FRMPD4: variants seen among roughly 807,000 people sequenced by gnomAD.
FRMPD4 encodes FERM and PDZ domain-containing protein 4.
A neutral mutation model predicts 94.1 loss-of-function variants in FRMPD4; 22 were observed. The ratio of observed to expected loss-of-function variants is 0.23; its 90% CI spans 0.17 to 0.33. FRMPD4 has a LOEUF of 0.33. Among genes scored for constraint, FRMPD4 ranks in the 10% least tolerant of loss-of-function variants. FRMPD4 has a pLI of 1.00. For synonymous variants in FRMPD4, 631 were observed against 548.6 expected (o/e 1.15, Z -2.10); for missense variants, 1,111 against 1,339.9 (o/e 0.83, Z 2.67).
intron 13 of FRMPD4, among the ~76,000 whole-genome samples, chrX:12,709,468 A>C (rs2041942373): frequency 8.9e-6 from 1 of 111,805 alleles, no homozygotes; most frequent in Admixed American, 9.4e-5. Flanking sequence ...ATCTATGTCC[A>C]ATTGTATAAT....
At chrX:12,505,191 C>G (rs1009634148) in intron 2 of FRMPD4, among the ~76,000 whole-genome samples, 4 of 111,932 alleles carry the variant, frequency 3.6e-5, no homozygotes, top group Non-Finnish European at 7.5e-5. Flanking sequence ...TTGGGGCTGC[C>G]TGCCACCCTT....
chrX:12,074,295 C>A (rs777564600), intron 3 of FRMPD4, among the ~76,000 whole-genome samples: 2 of 111,490 alleles, frequency 1.8e-5, no homozygotes, highest in Non-Finnish European at 3.8e-5. Flanking sequence ...AGCTGACACT[C>A]ATCTCAGGCA....
intron 3 of FRMPD4, among the ~76,000 whole-genome samples, chrX:12,088,690 G>A (rs2055130592): frequency 9.0e-6 from 1 of 111,683 alleles, no homozygotes; most frequent in Non-Finnish European, 1.9e-5. Flanking sequence ...CTGTCCCCAG[G>A]GAATAGTAAC....
At chrX:12,080,859 G>T (rs2055056580) in intron 3 of FRMPD4, among the ~76,000 whole-genome samples, 1 of 111,980 alleles carries the variant, frequency 8.9e-6, no homozygotes, top group African/African-American at 3.2e-5. Flanking sequence ...CCATGTAAAA[G>T]CTGAATTATT....
intron 3 of FRMPD4, among the ~76,000 whole-genome samples, chrX:12,075,190 G>A (rs1241516238): frequency 8.9e-6 from 1 of 112,192 alleles, no homozygotes; most frequent in Non-Finnish European, 1.9e-5. Flanking sequence ...GTGGATACTT[G>A]TCATTATACA....
At chrX:11,884,887 A>G (rs922987096) in intron 3 of FRMPD4, among the ~76,000 whole-genome samples, 3 of 112,004 alleles carry the variant, frequency 2.7e-5, no homozygotes, top group African/African-American at 9.7e-5. Context: ...TGACTTTGTA[A>G]CAAAACACAG....
rs755114829 is a variant in FRMPD4, at chrX:12,657,502, T to G, written c.423-17361T>G. 1.6e-4 allele frequency among the ~76,000 whole-genome samples: 18 copies of G among 111,096 alleles called. No individual in the cohort carries two copies. The South Asian group carries it at 2.3e-3, about 14-fold the overall frequency. On this transcript the variant is annotated intron_variant, in intron 4 of 16. Transcript: ENST00000675598. ...CAGTATGGAAGCCATAGTTTTGGGG[T>G]TTTTTTTAACCTAACCTTGGATATC...
chrX:11,959,331 A>G (rs1424197176), intron 3 of FRMPD4, among the ~76,000 whole-genome samples: 1 of 112,317 alleles, frequency 8.9e-6, no homozygotes, highest in Non-Finnish European at 1.9e-5. Flanking sequence ...TATGCTGAGC[A>G]AGGTGGCCAA....
At chrX:12,088,775 C>A (rs759685446) in intron 3 of FRMPD4, among the ~76,000 whole-genome samples, 12 of 112,235 alleles carry the variant, frequency 1.1e-4, no homozygotes, top group Non-Finnish European at 1.9e-4. Context: ...TAATTTGCTC[C>A]TTTTTCCTGT....
At chrX:12,355,321 G>A (rs1174961976) in intron 1 of FRMPD4, among the ~76,000 whole-genome samples, 3 of 110,725 alleles carry the variant, frequency 2.7e-5, no homozygotes, top group African/African-American at 6.6e-5. Context: ...GACTACAGGC[G>A]TGTGCCACCA....
intron 1 of FRMPD4, among the ~76,000 whole-genome samples, chrX:12,174,943 C>G (rs1378004120): frequency 3.6e-5 from 4 of 112,223 alleles, no homozygotes; most frequent in African/African-American, 1.3e-4. Context: ...ATTTTGAGTT[C>G]TTAAAGCAAG....
intron 1 of FRMPD4, among the ~76,000 whole-genome samples, chrX:12,153,328 A>G (rs997657281): frequency 8.9e-6 from 1 of 112,248 alleles, no homozygotes; most frequent in African/African-American, 3.2e-5. Context: ...GGACAACTTG[A>G]TGTTTTTTAG....
chrX:12,152,932 T>C (rs1288618728), intron 1 of FRMPD4, among the ~76,000 whole-genome samples: 9 of 99,894 alleles, frequency 9.0e-5, no homozygotes, highest in Non-Finnish European at 2.0e-5. Context: ...CATTTTTTTT[T>C]TTTTTTTTTT....
chrX:12,707,598 T>G lies in FRMPD4; in HGVS notation c.1417T>G (p.Phe473Val). The G allele has an allele frequency of 8.3e-7, 1 of 1,210,654 alleles. No individual in the cohort carries two copies. The change falls in exon 13 of 17, where the codon TTT becomes GTT. Residue 473 changes from phenylalanine (F) to valine (V), a missense_variant. Phe to Val is a conservative substitution (Grantham distance 50, BLOSUM62 -1). Transcript: ENST00000675598. ...DFSHVNRIEM[F>V]SEEESLVRVE... Reference sequence around the variant, plus strand: ...TAGCCACGTCAACAGGATCGAAATGTTTTCCGAGGAGGAGAGCTTGGTGCG... The same window carrying G: ...TAGCCACGTCAACAGGATCGAAATGGTTTCCGAGGAGGAGAGCTTGGTGCG...
intron 3 of FRMPD4, among the ~76,000 whole-genome samples, chrX:11,945,842 C>T (rs2054186087): frequency 8.9e-6 from 1 of 111,815 alleles, no homozygotes; most frequent in Non-Finnish European, 1.9e-5. Context: ...GGGGATCACA[C>T]TTCAACGTGA....
chrX:12,404,257 G>A (rs1372056504), intron 1 of FRMPD4, among the ~76,000 whole-genome samples: 2 of 111,596 alleles, frequency 1.8e-5, no homozygotes, highest in Admixed American at 9.5e-5. Flanking sequence ...TTCAAATCAC[G>A]TAGTACCCAG....
chrX:12,043,962 G>A (rs930928375), intron 3 of FRMPD4, among the ~76,000 whole-genome samples: 5 of 111,073 alleles, frequency 4.5e-5, no homozygotes, highest in African/African-American at 1.6e-4. Flanking sequence ...TATTCTTCAT[G>A]AGAAAGGCTT....
intron 3 of FRMPD4, among the ~76,000 whole-genome samples, chrX:11,955,952 T>C (rs1397297191): frequency 9.0e-6 from 1 of 111,424 alleles, no homozygotes; most frequent in Non-Finnish European, 1.9e-5. Flanking sequence ...CTAACATGCA[T>C]GGCAGAAAAA....
At position 12,681,719 on chromosome X, in the gene FRMPD4, G is replaced by A. The variant is rs200477948; in HGVS notation, c.469-1764G>A. 2.2e-3 allele frequency among the ~76,000 whole-genome samples: 217 copies of A among 100,222 alleles called. 1 individual carries two copies. Among genetic ancestry groups the A allele is most frequent in the African/African-American group, 6.5e-3 (175 of 26,730 alleles). The allele number at this position is 100,222 out of a possible 115,157, so 87.0% of individuals were successfully genotyped here. A position where few individuals can be genotyped will look rare whatever the true frequency, so the allele number is the denominator to read the frequency against. Reference sequence around the variant, plus strand: ...GATACACACACACACACACACACACGCACGCACACACACGCACCCCACACA... The same window carrying A: ...GATACACACACACACACACACACACACACGCACACACACGCACCCCACACA... On this transcript the variant is annotated intron_variant, in intron 5 of 16. Transcript: ENST00000675598.
Sources: gnomAD v4.1 joint callset for allele counts (sites outside exome capture counted in the v4.1 genomes callset) on GRCh38, gnomAD v4.1.1 for gene constraint, MANE v1.5 for transcripts, NCBI Gene and HGNC (gene_info 2026-07-23, HGNC 2026-07-21) for gene names.